Variants in MED12L observed in about 807,000 individuals in gnomAD.
The protein encoded by MED12L is mediator complex subunit 12L.
In MED12L, 60 loss-of-function variants were observed where a neutral mutation model predicts 281.3. The ratio of observed to expected loss-of-function variants is 0.21; its 90% CI spans 0.17 to 0.26. The LOEUF (loss-of-function observed/expected upper bound fraction) is 0.26, where lower values mean the gene tolerates loss of function less well. MED12L is among the 10% of genes least tolerant of loss of function. The pLI, the probability that MED12L is intolerant of heterozygous loss-of-function variation, is 1.00. For synonymous variants in MED12L, 974 were observed against 987.2 expected (o/e 0.99, Z 0.25); for missense variants, 2,146 against 2,680.9 (o/e 0.80, Z 4.41).
intron 21 of MED12L, among the ~76,000 whole-genome samples, chr3:151,362,774 T>G (rs1236122652): frequency 1.3e-5 from 2 of 152,196 alleles, no homozygotes; most frequent in Admixed American, 6.6e-5. Flanking sequence ...TTAATGGTAT[T>G]AATAAAGTGT....
At chr3:151,243,442 A>G (rs1260063388) in intron 16 of MED12L, among the ~76,000 whole-genome samples, 1 of 152,132 alleles carries the variant, frequency 6.6e-6, no homozygotes, top group Non-Finnish European at 1.5e-5. Flanking sequence ...ACAAGCCAGA[A>G]GAGAGTGGGG....
Position 151,388,080 on chromosome 3 carries a change from G to A in MED12L, c.5359G>A (p.Ala1787Thr), listed in dbSNP as rs372519630. The change falls in exon 37 of 45, where the codon GCT (alanine) becomes ACT (threonine). Residue 1787 changes from alanine to threonine, a missense_variant. Physicochemically the swap from Ala to Thr is moderately conservative, Grantham distance 58. Coordinates refer to ENST00000687756, the MANE Select transcript of MED12L (RefSeq NM_001393769.1). ...TTCTCAGGAACCAGAAAGGAAGTCC[G>A]CTGAGCTGTCAGATCAGGGAAAAAC... is the stretch of plus-strand genomic sequence containing the variant. ...PVSQEPERKSAELSDQGKTTT... is the reference protein window; with the variant it reads ...PVSQEPERKSTELSDQGKTTT... The A allele has an allele frequency of 2.1e-5, 34 of 1,613,774 alleles. No homozygotes were observed. The highest frequency in any genetic ancestry group is 9.9e-5 in the South Asian group (9 of 91,074).
At chr3:151,323,072 C>T (rs1172000592) in intron 16 of MED12L, among the ~76,000 whole-genome samples, 1 of 152,120 alleles carries the variant, frequency 6.6e-6, no homozygotes, top group Non-Finnish European at 1.5e-5. Flanking sequence ...ACCCTCAATT[C>T]GAGGAGAAGG....
intron 22 of MED12L, among the ~76,000 whole-genome samples, 156 bp from the exon 23 acceptor site, chr3:151,365,694 G>C (rs1157981617): frequency 6.6e-6 from 1 of 152,136 alleles, no homozygotes; most frequent in Non-Finnish European, 1.5e-5. Context: ...TCTTCTCAAG[G>C]TTCTACTAAG....
chr3:151,370,975 T>C (rs891027703), intron 26 of MED12L, among the ~76,000 whole-genome samples: 8 of 152,188 alleles, frequency 5.3e-5, no homozygotes, highest in Non-Finnish European at 1.2e-4. Context: ...CAGTTTAACG[T>C]CAGCAGAGCT....
At chr3:151,165,759 T>A in intron 10 of MED12L, 87 bp from the exon 11 acceptor site, 1 of 1,396,498 alleles carries the variant, frequency 7.2e-7, no homozygotes, top group Non-Finnish European at 9.9e-7. Flanking sequence ...AAAATTCTTT[T>A]GCCTCACATA....
chr3:151,419,759 G>A (rs377766743), intron 43 of MED12L, among the ~76,000 whole-genome samples: 10 of 152,270 alleles, frequency 6.6e-5, no homozygotes, highest in African/African-American at 2.4e-4. Flanking sequence ...AACCGGAAAC[G>A]CACCAATCCC....
At chr3:151,331,928 G>T (rs1750399296) in intron 16 of MED12L, among the ~76,000 whole-genome samples, 2 of 152,180 alleles carry the variant, frequency 1.3e-5, no homozygotes, top group Non-Finnish European at 2.9e-5. Context: ...CCCATGCTTG[G>T]AACCTGCCTC....
rs566893724 is a variant in MED12L at position 151,274,987 on chromosome 3, C to G, written c.2251-75072C>G. 2.0e-5 allele frequency among the ~76,000 whole-genome samples: 3 copies of G among 152,266 alleles called. No individual in the cohort carries two copies. The East Asian group carries it at 5.8e-4, about 29-fold the overall frequency. On this transcript the variant is annotated intron_variant, in intron 16 of 44. Transcript: ENST00000687756. ...GGATGGAAATGTTCTTAGATGAAACCTTGTGTGAGCTCTCCTACCAACCTT... is the reference window on the plus strand; with the variant it reads ...GGATGGAAATGTTCTTAGATGAAACGTTGTGTGAGCTCTCCTACCAACCTT...
At chr3:151,176,607 G>T (rs1422828973) in intron 11 of MED12L, among the ~76,000 whole-genome samples, 2 of 52,450 alleles carry the variant, frequency 3.8e-5, no homozygotes, top group African/African-American at 1.5e-4. Context: ...TTCTAATAAA[G>T]TTTTCCAGTT....
At chr3:151,205,863 A>T (rs1407485533) in intron 16 of MED12L, among the ~76,000 whole-genome samples, 1 of 152,090 alleles carries the variant, frequency 6.6e-6, no homozygotes, top group Non-Finnish European at 1.5e-5. Flanking sequence ...TTTGCATGCC[A>T]TTGGGTGGTA....
At chr3:151,259,628 T>C (rs906277429) in intron 16 of MED12L, among the ~76,000 whole-genome samples, 3 of 152,182 alleles carry the variant, frequency 2.0e-5, no homozygotes, top group African/African-American at 7.2e-5. Flanking sequence ...CATCTGAAAA[T>C]GAGCCTCAAG....
At chr3:151,255,943 G>A (rs527676128) in intron 16 of MED12L, among the ~76,000 whole-genome samples, 4 of 152,268 alleles carry the variant, frequency 2.6e-5, no homozygotes, top group South Asian at 2.1e-4. Flanking sequence ...TTTAAATCAC[G>A]TAAGGTGTAT....
At chr3:151,198,868 T>A in intron 16 of MED12L, 1 of 1,614,094 alleles carries the variant, frequency 6.2e-7, no homozygotes, top group Non-Finnish European at 8.5e-7. Flanking sequence ...GCCAATTTCT[T>A]CCAAATTCCT....
chr3:151,089,531 A>G (rs765858228), intron 2 of MED12L, among the ~76,000 whole-genome samples: 3 of 152,136 alleles, frequency 2.0e-5, no homozygotes, highest in Non-Finnish European at 4.4e-5. Flanking sequence ...TGTGTGAGAA[A>G]AGCCCTCCTC....
chr3:151,371,508 T>G (rs1756184118), intron 26 of MED12L, among the ~76,000 whole-genome samples: 1 of 152,208 alleles, frequency 6.6e-6, no homozygotes, highest in African/African-American at 2.4e-5. Context: ...AATACATTAT[T>G]TATTCCTCTC....
intron 30 of MED12L, among the ~76,000 whole-genome samples, chr3:151,377,759 A>C (rs1445205833): frequency 6.6e-6 from 1 of 152,218 alleles, no homozygotes; most frequent in Non-Finnish European, 1.5e-5. Flanking sequence ...GGGTCATCGG[A>C]AAACATTAAA....
intron 43 of MED12L, among the ~76,000 whole-genome samples, chr3:151,427,086 T>G (rs1278300993): frequency 6.6e-6 from 1 of 152,180 alleles, no homozygotes; most frequent in Non-Finnish European, 1.5e-5. Flanking sequence ...TCAGGAGTGC[T>G]GGGATTACAG....
intron 16 of MED12L, among the ~76,000 whole-genome samples, chr3:151,228,465 CTTT>C (rs1559905803): frequency 6.6e-6 from 1 of 152,008 alleles, no homozygotes; most frequent in Non-Finnish European, 1.5e-5. Flanking sequence ...TTCCCCTCTT[CTTT>C]AAGTTGATTT....
Sources: allele counts gnomAD v4.1 joint callset (sites outside exome capture counted in the v4.1 genomes callset), GRCh38; gene constraint gnomAD v4.1.1; transcripts MANE v1.5; gene names NCBI Gene and HGNC (gene_info 2026-07-23, HGNC 2026-07-21).